GPC5: variants seen among roughly 807,000 people sequenced by gnomAD.
GPC5 encodes glypican 5.
A neutral mutation model predicts 53.9 loss-of-function variants in GPC5; 47 were observed. The observed-to-expected ratio is 0.87, with a 90% CI of 0.69 to 1.11. The LOEUF (loss-of-function observed/expected upper bound fraction) is 1.11. Among genes scored for constraint, GPC5 ranks in the 50% most tolerant of loss-of-function variants. GPC5 has a pLI of 0.00. For missense variants in GPC5, 748 were observed against 713.1 expected (o/e 1.05, Z -0.56); for synonymous variants, 286 against 263.3 (o/e 1.09, Z -0.84).
At chr13:92,397,650 A>G (rs892007881) in intron 7 of GPC5, among the ~76,000 whole-genome samples, 8 of 152,106 alleles carry the variant, frequency 5.3e-5, no homozygotes, top group African/African-American at 1.9e-4. Context: ...CTGCAATCTC[A>G]GTTCTCTGAT....
intron 7 of GPC5, among the ~76,000 whole-genome samples, chr13:92,326,005 G>A (rs755726569): frequency 2.6e-5 from 4 of 151,964 alleles, no homozygotes; most frequent in Non-Finnish European, 5.9e-5. Flanking sequence ...ATATGTTAAT[G>A]GTACTTTAAT....
chr13:92,204,467 C>T (rs1279661676), intron 7 of GPC5, among the ~76,000 whole-genome samples: 3 of 152,082 alleles, frequency 2.0e-5, no homozygotes, highest in Admixed American at 6.5e-5. Flanking sequence ...CTCAGACTGC[C>T]GAGTCTGCCC....
At chr13:91,823,884 ACCTGACATTTATAAT>A (rs899558441) in intron 5 of GPC5, among the ~76,000 whole-genome samples, 1 of 152,046 alleles carries the variant, frequency 6.6e-6, no homozygotes, top group African/African-American at 2.4e-5. Flanking sequence ...TATGTGTAAT[ACCTGACATTTATAAT>A]TCTGTTTCTA....
At chr13:91,559,658 A>T (rs1169147464) in intron 2 of GPC5, among the ~76,000 whole-genome samples, 1 of 152,058 alleles carries the variant, frequency 6.6e-6, no homozygotes, top group Admixed American at 6.6e-5. Flanking sequence ...AGTCATTCTG[A>T]GCCTTCCTTA....
chr13:91,984,652 C>A, intron 6 of GPC5, among the ~76,000 whole-genome samples: 1 of 152,138 alleles, frequency 6.6e-6, no homozygotes, highest in East Asian at 1.9e-4. Context: ...TTGTAATGTG[C>A]ATTTCCCTGG....
chr13:91,973,676 C>T (rs2040266931), intron 6 of GPC5, among the ~76,000 whole-genome samples: 1 of 152,156 alleles, frequency 6.6e-6, no homozygotes, highest in Non-Finnish European at 1.5e-5. Context: ...TGTTAGTTTT[C>T]CTTCTAACAG....
chr13:92,157,738 G>C (rs1421245045), intron 7 of GPC5, among the ~76,000 whole-genome samples: 1 of 152,114 alleles, frequency 6.6e-6, no homozygotes. Context: ...TGACCATTTT[G>C]TGTTTCCTCT....
chr13:92,710,760 A>C (rs866249227), intron 7 of GPC5, among the ~76,000 whole-genome samples: 1 of 152,162 alleles, frequency 6.6e-6, no homozygotes, highest in South Asian at 2.1e-4. Flanking sequence ...GACTGATAAA[A>C]GTGGTCAGGG....
chr13:91,431,098 C>CAA (rs909464985), intron 1 of GPC5, among the ~76,000 whole-genome samples: 1 of 152,076 alleles, frequency 6.6e-6, no homozygotes, highest in Non-Finnish European at 1.5e-5. Flanking sequence ...AGGTTGGTCT[C>CAA]AAACTCCTGG....
At chr13:92,405,718 G>A (rs1440390722) in intron 7 of GPC5, among the ~76,000 whole-genome samples, 4 of 152,026 alleles carry the variant, frequency 2.6e-5, no homozygotes, top group Non-Finnish European at 4.4e-5. Context: ...TATGAAACTA[G>A]CATTTAAAAT....
At chr13:92,407,331 C>A (rs1382634019) in intron 7 of GPC5, among the ~76,000 whole-genome samples, 1 of 152,114 alleles carries the variant, frequency 6.6e-6, no homozygotes, top group Admixed American at 6.5e-5. Context: ...GAAAAGCCAA[C>A]AAAGTTATGT....
intron 7 of GPC5, among the ~76,000 whole-genome samples, chr13:92,602,464 C>A (rs558007517): frequency 2.0e-4 from 31 of 151,844 alleles, no homozygotes; most frequent in Non-Finnish European, 4.1e-4. Context: ...CATAAACTTG[C>A]CATTTGGATT....
At chr13:91,478,795 T>TTATATATATGTG (rs1431415864) in intron 2 of GPC5, among the ~76,000 whole-genome samples, 1 of 55,394 alleles carries the variant, frequency 1.8e-5, no homozygotes, top group African/African-American at 7.0e-5. Flanking sequence ...CCATTTGAGT[T>TTATATATATGTG]TATATATATA....
chr13:92,855,766 T>A (rs1251528792), intron 7 of GPC5, among the ~76,000 whole-genome samples: 1 of 151,892 alleles, frequency 6.6e-6, no homozygotes, highest in Non-Finnish European at 1.5e-5. Context: ...ATGGATAAAT[T>A]CCTAGAAACA....
intron 7 of GPC5, among the ~76,000 whole-genome samples, chr13:92,650,713 TA>T (rs1022213969): frequency 6.6e-6 from 1 of 152,064 alleles, no homozygotes; most frequent in Non-Finnish European, 1.5e-5. Flanking sequence ...TTAATGGACT[TA>T]AAAAAAGACA....
rs538274853 is a variant in GPC5, at chr13:92,375,648, T to C, written c.1561+230659T>C. ...GGAATTGGCTTACTCAATTGTGGAT[T>C]CTGGTGAGGCAATCTGAAATCTACA... On this transcript the variant is annotated intron_variant, in intron 7 of 7. Coordinates refer to ENST00000377067, the MANE Select transcript of GPC5 (RefSeq NM_004466.6). Among the ~76,000 whole-genome samples the C allele has an allele frequency of 5.1e-4, 77 of 152,302 alleles. 1 individual carries two copies. Among genetic ancestry groups the C allele is most frequent in the African/African-American group, 1.8e-3 (75 of 41,572 alleles).
At chr13:91,975,514 GA>G (rs1425872630) in intron 6 of GPC5, among the ~76,000 whole-genome samples, 1 of 152,138 alleles carries the variant, frequency 6.6e-6, no homozygotes, top group Non-Finnish European at 1.5e-5. Context: ...AAACACACAT[GA>G]AAAAATGCTC....
At position 91,760,073 on chromosome 13, in the gene GPC5, A is replaced by T. The variant is rs187311587; in HGVS notation, c.1280+3653A>T. 5.9e-5 allele frequency among the ~76,000 whole-genome samples: 9 copies of T among 152,188 alleles called. No individual in the cohort carries two copies. In the East Asian group the frequency reaches 1.7e-3, roughly 29 times the overall value. On this transcript the variant is annotated intron_variant, in intron 5 of 7. Transcript: ENST00000377067. ...TTAAATGAAAACAGGTGTTAAAGTG[A>T]TACAAGAATTATGGGCCATTATTGT...
intron 5 of GPC5, among the ~76,000 whole-genome samples, chr13:91,770,291 C>A (rs1230999857): frequency 6.6e-6 from 1 of 152,122 alleles, no homozygotes; most frequent in Non-Finnish European, 1.5e-5. Context: ...GAACACCCTA[C>A]TTTTGGGATT....
Sources: gnomAD v4.1 joint callset for allele counts (sites outside exome capture counted in the v4.1 genomes callset) on GRCh38, gnomAD v4.1.1 for gene constraint, MANE v1.5 for transcripts, NCBI Gene and HGNC (gene_info 2026-07-23, HGNC 2026-07-21) for gene names.